The following CCSER1 variants were observed in gnomAD, a reference collection of about 807,000 sequenced individuals.
The protein encoded by CCSER1 is serine-rich coiled-coil domain-containing protein 1.
Under a neutral mutation model 82.0 loss-of-function variants are expected in CCSER1, and 41 were observed. The ratio of observed to expected loss-of-function variants is 0.50; its 90% CI spans 0.39 to 0.65. The LOEUF is 0.65. CCSER1 is among the 30% of genes least tolerant of loss of function. The pLI is 0.00. For synonymous variants in CCSER1, 414 were observed against 383.9 expected (o/e 1.08, Z -0.92); for missense variants, 1,119 against 1,064.2 (o/e 1.05, Z -0.72).
At chr4:90,711,824 G>A (rs1740666665) in intron 6 of CCSER1, among the ~76,000 whole-genome samples, 1 of 151,530 alleles carries the variant, frequency 6.6e-6, no homozygotes, top group South Asian at 2.1e-4. Context: ...CCAGGTTTGG[G>A]GATGATGCTG....
At chr4:90,294,955 G>A (rs1023557671) in intron 1 of CCSER1, among the ~76,000 whole-genome samples, 5 of 151,676 alleles carry the variant, frequency 3.3e-5, no homozygotes, top group African/African-American at 7.3e-5. Context: ...AATGTATTCC[G>A]AATAGTATAT....
chr4:90,504,825 G>A (rs1770449163), intron 5 of CCSER1, among the ~76,000 whole-genome samples: 1 of 152,148 alleles, frequency 6.6e-6, no homozygotes, highest in African/African-American at 2.4e-5. Flanking sequence ...CAATCCTAGA[G>A]AGAATGCCAA....
chr4:90,495,065 C>T (rs1416888563), intron 5 of CCSER1, among the ~76,000 whole-genome samples: 2 of 152,114 alleles, frequency 1.3e-5, no homozygotes, highest in African/African-American at 4.8e-5. Context: ...GCCCTGCTTG[C>T]AAATTTACTA....
At chr4:90,614,734 A>G (rs964031921) in intron 5 of CCSER1, among the ~76,000 whole-genome samples, 3 of 152,206 alleles carry the variant, frequency 2.0e-5, no homozygotes, top group African/African-American at 7.2e-5. Flanking sequence ...TAAGGAGAGA[A>G]GCTATCTCCA....
At chr4:91,315,394 A>AT in intron 10 of CCSER1, among the ~76,000 whole-genome samples, 1 of 152,090 alleles carries the variant, frequency 6.6e-6, no homozygotes, top group East Asian at 1.9e-4. Flanking sequence ...ACAGTGCTGT[A>AT]TTTTTCATTA....
intron 1 of CCSER1, among the ~76,000 whole-genome samples, chr4:90,167,818 G>A (rs1161117195): frequency 1.3e-5 from 2 of 151,926 alleles, no homozygotes; most frequent in African/African-American, 2.4e-5. Flanking sequence ...CCTTTTTTAT[G>A]GCTGCATAGT....
intron 10 of CCSER1, among the ~76,000 whole-genome samples, chr4:91,445,652 C>CTATT (rs1227508580): frequency 2.0e-5 from 3 of 152,104 alleles, no homozygotes; most frequent in African/African-American, 7.2e-5. Flanking sequence ...TTTTATCTCT[C>CTATT]TATTTATATC....
At chr4:90,225,895 G>C (rs139912003) in intron 1 of CCSER1, among the ~76,000 whole-genome samples, 1 of 152,204 alleles carries the variant, frequency 6.6e-6, no homozygotes, top group African/African-American at 2.4e-5. Context: ...TCCTCCTCTT[G>C]AACCCAGGAG....
intron 8 of CCSER1, among the ~76,000 whole-genome samples, chr4:90,850,518 C>T (rs995431310): frequency 6.6e-6 from 1 of 152,230 alleles, no homozygotes; most frequent in Non-Finnish European, 1.5e-5. Context: ...CACCAGCGTG[C>T]CCTGAATGTG....
intron 7 of CCSER1, among the ~76,000 whole-genome samples, chr4:90,813,471 C>T (rs1758605575): frequency 6.6e-6 from 1 of 152,168 alleles, no homozygotes; most frequent in East Asian, 1.9e-4. Context: ...TGTCCCCACC[C>T]AAATCTCAAC....
intron 10 of CCSER1, among the ~76,000 whole-genome samples, chr4:91,285,401 A>G (rs1046503139): frequency 5.3e-5 from 8 of 151,838 alleles, no homozygotes; most frequent in Admixed American, 3.3e-4. Context: ...TATATGTGCT[A>G]TGAAGCCATA....
intron 1 of CCSER1, among the ~76,000 whole-genome samples, chr4:90,185,131 T>C (rs1418713881): frequency 6.6e-6 from 1 of 152,046 alleles, no homozygotes; most frequent in Non-Finnish European, 1.5e-5. Flanking sequence ...GAAGAGAGCA[T>C]GAGAAGGTAC....
At chr4:90,973,097 G>A (rs1735272729) in intron 9 of CCSER1, among the ~76,000 whole-genome samples, 1 of 151,650 alleles carries the variant, frequency 6.6e-6, no homozygotes, top group South Asian at 2.1e-4. Flanking sequence ...TTGACATTTG[G>A]CTGGGCAATG....
chr4:91,024,940 C>G (rs1237371419), intron 9 of CCSER1, among the ~76,000 whole-genome samples: 1 of 151,936 alleles, frequency 6.6e-6, no homozygotes, highest in African/African-American at 2.4e-5. Context: ...ATTTAAATGA[C>G]CTTACAATCA....
chr4:90,991,710 G>A (rs1347356985), intron 9 of CCSER1, among the ~76,000 whole-genome samples: 1 of 151,950 alleles, frequency 6.6e-6, no homozygotes, highest in Non-Finnish European at 1.5e-5. Flanking sequence ...CACGTCCATA[G>A]CTATGATTAG....
At chr4:90,449,029 G>T (rs1286581459) in intron 4 of CCSER1, among the ~76,000 whole-genome samples, 1 of 152,166 alleles carries the variant, frequency 6.6e-6, no homozygotes, top group African/African-American at 2.4e-5. Context: ...ATTTCTGCAG[G>T]CAGATTGTCC....
intron 5 of CCSER1, among the ~76,000 whole-genome samples, chr4:90,507,216 A>C (rs1489005549): frequency 6.6e-6 from 1 of 152,188 alleles, no homozygotes. Context: ...CAATAAAGTC[A>C]TAATGGCTCA....
intron 9 of CCSER1, among the ~76,000 whole-genome samples, chr4:91,085,032 G>A (rs957098261): frequency 6.6e-6 from 1 of 151,606 alleles, no homozygotes; most frequent in Non-Finnish European, 1.5e-5. Context: ...AACAGTAATA[G>A]TATCTTCTTA....
intron 10 of CCSER1, among the ~76,000 whole-genome samples, chr4:91,109,843 AG>A (rs768656196): frequency 3.9e-5 from 6 of 152,154 alleles, no homozygotes; most frequent in Non-Finnish European, 7.4e-5. Context: ...GGTTTCACAA[AG>A]GGTCATAAAA....
Sources: gnomAD v4.1 joint callset for allele counts (sites outside exome capture counted in the v4.1 genomes callset) on GRCh38, gnomAD v4.1.1 for gene constraint, MANE v1.5 for transcripts, NCBI Gene and HGNC (gene_info 2026-07-23, HGNC 2026-07-21) for gene names.